The following VPS13A variants were observed in gnomAD, a reference collection of about 807,000 sequenced individuals.
VPS13A encodes the protein intermembrane lipid transfer protein VPS13A.
A neutral mutation model predicts 390.9 loss-of-function variants in VPS13A; 264 were observed. The observed-to-expected ratio is 0.68, with a 90% CI of 0.61 to 0.75. The LOEUF (loss-of-function observed/expected upper bound fraction) is 0.75. VPS13A is among the 30% of genes least tolerant of loss of function. The probability of loss-of-function intolerance (pLI) is 0.00; values close to 1 mark genes in which losing one functional copy is unlikely to be tolerated. For synonymous variants in VPS13A, 1,231 were observed against 1,227.1 expected, an observed-to-expected ratio of 1.00 and a Z score of -0.07; for missense variants, 3,409 against 3,733.9, an observed-to-expected ratio of 0.91 and a Z score of 2.27.
rs201568548 is a variant in VPS13A at position 77,348,505 on chromosome 9, G to T, written c.7290-2812G>T. Among the ~76,000 whole-genome samples the T allele has an allele frequency of 7.2e-5, 11 of 152,280 alleles. No individual in the cohort carries two copies. In the East Asian group the frequency reaches 1.7e-3, roughly 24 times the overall value. ...GAGAACATCAGGATAAATAGCTAAT[G>T]CATGTGGGGCTTAATACTTAGGTGT... On this transcript the variant is annotated intron_variant, in intron 52 of 71. Transcript: ENST00000360280.
intron 33 of VPS13A, among the ~76,000 whole-genome samples, chr9:77,300,108 G>A (rs1356287152): frequency 6.6e-6 from 1 of 151,996 alleles, no homozygotes; most frequent in Non-Finnish European, 1.5e-5. Flanking sequence ...GAATTATATT[G>A]TTTTGTGCTG....
chr9:77,298,571 A>G (rs1314127136), intron 33 of VPS13A, among the ~76,000 whole-genome samples: 1 of 152,042 alleles, frequency 6.6e-6, no homozygotes, highest in Non-Finnish European at 1.5e-5. Flanking sequence ...TTTGGAATCC[A>G]ACAGTCAGTT....
In VPS13A at chr9:77,337,490, A is replaced by T. The variant is rs1163593433; in HGVS notation, c.6331A>T (p.Ile2111Phe). The T allele has an allele frequency of 3.1e-6, 5 of 1,613,382 alleles. No individual in the cohort carries two copies. Among genetic ancestry groups the T allele is most frequent in the Non-Finnish European group, 3.4e-6 (4 of 1,179,656 alleles). Reference protein sequence around the residue: ...LPYIMHLWPPILLRNLLPYKI... With the variant: ...LPYIMHLWPPFLLRNLLPYKI... ...ATACATAATGCATTTGTGGCCACCTATCCTGCTCCGAAATCTTCTTCCTTA... is the reference window on the plus strand; with the variant it reads ...ATACATAATGCATTTGTGGCCACCTTTCCTGCTCCGAAATCTTCTTCCTTA... The change falls in exon 47 of 72, where the codon ATC (isoleucine) becomes TTC (phenylalanine). Residue 2111 changes from isoleucine (I) to phenylalanine (F), a missense_variant. Physicochemically the swap from Ile to Phe is conservative, Grantham distance 21 (BLOSUM62 0). Coordinates refer to ENST00000360280, the MANE Select transcript of VPS13A (RefSeq NM_033305.3).
At chr9:77,349,292 A>C (rs1304927770) in intron 52 of VPS13A, among the ~76,000 whole-genome samples, 1 of 150,948 alleles carries the variant, frequency 6.6e-6, no homozygotes, top group African/African-American at 2.4e-5. Flanking sequence ...TCAAAGCACA[A>C]TTTTTTTTTC....
chr9:77,351,370 C>T lies in VPS13A; in HGVS notation c.7343C>T (p.Thr2448Ile). 1 of 1,613,878 alleles carries T rather than the reference C, an allele frequency of 6.2e-7. No homozygotes were observed. The highest frequency in any genetic ancestry group is 8.5e-7 in the Non-Finnish European group (1 of 1,179,896). The change falls in exon 53 of 72, where the codon ACA becomes ATA. Residue 2448 changes from threonine (T) to isoleucine (I), a missense_variant. Physicochemically the swap from Thr to Ile is moderately conservative, Grantham distance 89 (BLOSUM62 -1). This residue lies in a region of VPS13A where 2,717 missense variants were observed against 2,917.4 expected (regional missense o/e 0.93). Transcript: ENST00000360280. ...SLPPGKAVFY[T>I]WADPVGSRRL... ...CCTCCTGGTAAAGCCGTGTTTTATA[C>T]ATGGGCTGATCCGGTGGGCTCTAGA...
At chr9:77,391,250 T>A (rs1038491520) in intron 68 of VPS13A, among the ~76,000 whole-genome samples, 1 of 152,176 alleles carries the variant, frequency 6.6e-6, no homozygotes, top group African/African-American at 2.4e-5. Context: ...GTAGTAAAGC[T>A]CATTCAGAAA....
chr9:77,220,922 A>G lies in VPS13A; in HGVS notation c.990-263A>G, dbSNP rs547425411. ...TCAGATGACTAAATGTTATTTGCCAATTAATGCCTTAACAGTTCTTGTGTA... is the reference window on the plus strand; with the variant it reads ...TCAGATGACTAAATGTTATTTGCCAGTTAATGCCTTAACAGTTCTTGTGTA... On this transcript the variant is annotated intron_variant, in intron 12 of 71. Transcript: ENST00000360280. 2.0e-5 allele frequency among the ~76,000 whole-genome samples: 3 copies of G among 152,206 alleles called. No individual in the cohort carries two copies. The South Asian group carries it at 6.2e-4, about 31-fold the overall frequency.
At chr9:77,371,487 G>A (rs1003868482) in intron 67 of VPS13A, among the ~76,000 whole-genome samples, 2 of 152,038 alleles carry the variant, frequency 1.3e-5, no homozygotes, top group African/African-American at 2.4e-5. Flanking sequence ...CAGTATTAAT[G>A]CATTCATGGG....
rs1245285329 is a variant in VPS13A, at chr9:77,315,224, A to G, written c.4413-29A>G. 3.1e-6 allele frequency: 5 copies of G among 1,590,732 alleles called. No individual in the cohort carries two copies. The South Asian group carries it at 4.4e-5, about 14-fold the overall frequency. On this transcript the variant is annotated intron_variant, in intron 37 of 71. Coordinates refer to ENST00000360280, the MANE Select transcript of VPS13A (RefSeq NM_033305.3). The stretch of plus-strand genomic sequence containing the variant: ...TTGATTACTTCTAAGTTACTCATAC[A>G]TAGGAATTGTTGTTATTGTGTTTTC...
rs1391231266 is a variant in VPS13A at position 77,177,681 on chromosome 9, C to T, written c.-24C>T. 1 of 1,607,582 alleles carries T rather than the reference C, an allele frequency of 6.2e-7. No individual in the cohort carries two copies. The highest frequency in any genetic ancestry group is 8.5e-7 in the Non-Finnish European group (1 of 1,175,662). On this transcript the variant is annotated 5_prime_UTR_variant, in exon 1 of 72. Transcript: ENST00000360280. Reference sequence around the variant, plus strand: ...GGAGGAGGAGCGCACGGGCCGGCTGCCGTGCCCACCACGGCTGAGGAACAT... The same window carrying T: ...GGAGGAGGAGCGCACGGGCCGGCTGTCGTGCCCACCACGGCTGAGGAACAT...
chr9:77,178,321 C>G (rs1823777982), intron 1 of VPS13A: 1 of 155,094 alleles, frequency 6.4e-6, no homozygotes. Context: ...GCTTCCCCAG[C>G]CTCAATTCCT....
rs1832666961 is a variant in VPS13A, at chr9:77,370,136, C to A, written c.8668-121C>A. The stretch of plus-strand genomic sequence containing the variant: ...AATGTGAAACTTTTTGCTGATATTA[C>A]TTCCTCTGGGACAACATTATCCATT... On this transcript the variant is annotated intron_variant, in intron 63 of 71. Transcript: ENST00000360280. 7 of 1,093,060 alleles carry A rather than the reference C, an allele frequency of 6.4e-6. No individual in the cohort carries two copies. The East Asian group carries it at 1.5e-4, about 24-fold the overall frequency. The allele number at this position is 1,093,060 out of a possible 1,614,324, so 67.7% of individuals were successfully genotyped here. A position where few individuals can be genotyped will look rare whatever the true frequency, so the allele number is the denominator to read the frequency against.
At chr9:77,220,137 C>G (rs1485299986) in intron 11 of VPS13A, 56 bp downstream of exon 11, 2 of 1,554,502 alleles carry the variant, frequency 1.3e-6, no homozygotes, top group Non-Finnish European at 8.8e-7. Context: ...AAAAGCAAAA[C>G]TAAGATTTTA....
chr9:77,340,296 A>G lies in VPS13A; in HGVS notation c.6879+14A>G, dbSNP rs1044025136. The G allele has an allele frequency of 3.7e-6, 6 of 1,608,858 alleles. No individual in the cohort carries two copies. In the African/African-American group the frequency reaches 4.0e-5, roughly 11 times the overall value. On this transcript the variant is annotated intron_variant, in intron 49 of 71. Transcript: ENST00000360280. ...ATGGACTATCAAGTGAGTTCATTCT[A>G]TGCTTATCAAGAAACTTTTATTTTA...
Position 77,353,633 on chromosome 9 carries a change from C to T in VPS13A, c.7644C>T (p.Gly2548=). Residue 2548 remains glycine (G), a synonymous_variant, in exon 54 of 72, where the codon GGC becomes GGT. Coordinates refer to ENST00000360280, the MANE Select transcript of VPS13A (RefSeq NM_033305.3). ...NYTKQEVAYI[G]ITSSDVVWET... is the part of the protein sequence containing the mutation. The stretch of plus-strand genomic sequence containing the variant: ...CGAAGCAAGAAGTAGCCTATATAGG[C>T]ATTACAAGGTTAGATGCATTAAATT... 6.2e-7 allele frequency: 1 copy of T among 1,612,678 alleles called. No individual in the cohort carries two copies. The highest frequency in any genetic ancestry group is 8.5e-7 in the Non-Finnish European group (1 of 1,179,054).
At chr9:77,236,672 G>C (rs1824165213) in intron 17 of VPS13A, among the ~76,000 whole-genome samples, 2 of 152,208 alleles carry the variant, frequency 1.3e-5, no homozygotes, top group Non-Finnish European at 2.9e-5. Flanking sequence ...TGAATGATGT[G>C]TGCTCTTCAA....
chr9:77,179,554 G>A (rs1823877422), intron 1 of VPS13A, among the ~76,000 whole-genome samples: 1 of 152,124 alleles, frequency 6.6e-6, no homozygotes, highest in Admixed American at 6.5e-5. Context: ...TCTGTTTGCT[G>A]GTTGAAGAAT....
chr9:77,287,228 C>G (rs1461753531), intron 31 of VPS13A, among the ~76,000 whole-genome samples: 2 of 148,490 alleles, frequency 1.3e-5, no homozygotes, highest in African/African-American at 4.9e-5. Flanking sequence ...ATAAAATTCT[C>G]TCTCTCTCTC....
At chr9:77,227,705 T>TTG (rs1399398293) in intron 16 of VPS13A, among the ~76,000 whole-genome samples, 6 of 148,616 alleles carry the variant, frequency 4.0e-5, no homozygotes, top group Non-Finnish European at 9.0e-5. Flanking sequence ...TTTTTTTGTT[T>TTG]TTTTTTTTTG....
Sources: gnomAD v4.1 joint callset for allele counts (sites outside exome capture counted in the v4.1 genomes callset) on GRCh38, gnomAD v4.1.1 for gene constraint, gnomAD v4.1.1 regional missense constraint, MANE v1.5 for transcripts, NCBI Gene and HGNC (gene_info 2026-07-23, HGNC 2026-07-21) for gene names.